Variants in KCNQ5 observed in about 807,000 individuals in gnomAD.
KCNQ5 encodes the protein potassium voltage-gated channel subfamily Q member 5, also known as potassium voltage-gated channel subfamily KQT member 5.
KCNQ5 carries 30 observed loss-of-function variants against 98.2 expected under a neutral mutation model. The observed-to-expected ratio is 0.31, with a 90% CI of 0.23 to 0.41. The LOEUF is 0.41. KCNQ5 is among the 10% of genes least tolerant of loss of function. KCNQ5 has a pLI of 1.00. For missense variants in KCNQ5, 835 were observed against 1,182.5 expected, an observed-to-expected ratio of 0.71 and a Z score of 4.31; for synonymous variants, 458 against 449.4, an observed-to-expected ratio of 1.02 and a Z score of -0.24.
chr6:72,988,653 T>TC (rs1228201550), intron 1 of KCNQ5, among the ~76,000 whole-genome samples: 13 of 148,264 alleles, frequency 8.8e-5, no homozygotes, highest in Admixed American at 6.7e-4. Flanking sequence ...GATTTTCTTT[T>TC]TTTTTTTTTT....
At chr6:72,731,855 C>A (rs1770572821) in intron 1 of KCNQ5, among the ~76,000 whole-genome samples, 1 of 152,040 alleles carries the variant, frequency 6.6e-6, no homozygotes, top group South Asian at 2.1e-4. Context: ...ATTATATCCT[C>A]CAAACATGTT....
At chr6:73,031,107 C>T (rs1771122720) in intron 2 of KCNQ5, among the ~76,000 whole-genome samples, 1 of 152,226 alleles carries the variant, frequency 6.6e-6, no homozygotes, top group South Asian at 2.1e-4. Context: ...CTGTCTCTCA[C>T]TTTCTTTCCC....
intron 1 of KCNQ5, among the ~76,000 whole-genome samples, chr6:72,747,161 A>G (rs541095352): frequency 9.2e-5 from 14 of 152,210 alleles, no homozygotes; most frequent in African/African-American, 3.4e-4. Context: ...TAAGCCACAA[A>G]CCTCAGGGGT....
intron 5 of KCNQ5, among the ~76,000 whole-genome samples, chr6:73,097,002 C>T (rs1176303303): frequency 6.6e-6 from 1 of 151,912 alleles, no homozygotes; most frequent in Non-Finnish European, 1.5e-5. Context: ...GACCGTGCCA[C>T]TGCACTCCAG....
chr6:73,075,370 G>A (rs1011211771), intron 3 of KCNQ5, among the ~76,000 whole-genome samples: 3 of 151,726 alleles, frequency 2.0e-5, no homozygotes, highest in Non-Finnish European at 4.4e-5. Context: ...TTACAGGCAC[G>A]TGCCACCACA....
chr6:72,880,367 G>A (rs1226081041), intron 1 of KCNQ5, among the ~76,000 whole-genome samples: 1 of 152,140 alleles, frequency 6.6e-6, no homozygotes, highest in Non-Finnish European at 1.5e-5. Context: ...GAAGGGGCGA[G>A]GGGTCTCCTT....
At chr6:73,048,304 C>G (rs1038230281) in intron 3 of KCNQ5, among the ~76,000 whole-genome samples, 10 of 152,016 alleles carry the variant, frequency 6.6e-5, no homozygotes, top group African/African-American at 2.4e-4. Context: ...TCTTTCCAGG[C>G]CAGGGAATAG....
At chr6:73,107,851 T>A (rs1775067636) in intron 6 of KCNQ5, among the ~76,000 whole-genome samples, 1 of 152,254 alleles carries the variant, frequency 6.6e-6, no homozygotes, top group South Asian at 2.1e-4. Flanking sequence ...GATCTTTTAC[T>A]GAAACTTCAC....
At chr6:72,751,683 G>C (rs905653271) in intron 1 of KCNQ5, among the ~76,000 whole-genome samples, 1 of 151,884 alleles carries the variant, frequency 6.6e-6, no homozygotes, top group African/African-American at 2.4e-5. Flanking sequence ...TTAAAAAGCA[G>C]CATAATTAGG....
At chr6:72,667,356 C>T (rs552718885) in intron 1 of KCNQ5, among the ~76,000 whole-genome samples, 5 of 152,102 alleles carry the variant, frequency 3.3e-5, no homozygotes, top group Admixed American at 6.5e-5. Flanking sequence ...ATTCGTATCC[C>T]GACTTCACCC....
Position 73,194,911 on chromosome 6 carries a change from C to G in KCNQ5, c.2296C>G (p.Leu766Val). Residue 766 changes from leucine to valine, a missense_variant, in exon 14 of 14, where the codon CTG becomes GTG. Physicochemically the swap from Leu to Val is conservative, Grantham distance 32. Coordinates refer to ENST00000370398, the MANE Select transcript of KCNQ5 (RefSeq NM_019842.4). ...AIKHLPRPET[L>V]HPNPAGLQES... ...CAAGCATCTGCCCAGGCCAGAAACT[C>G]TGCACCCTAACCCTGCAGGCTTACA... 1 of 1,614,206 alleles carries G rather than the reference C, an allele frequency of 6.2e-7. No individual in the cohort carries two copies. The highest frequency in any genetic ancestry group is 8.5e-7 in the Non-Finnish European group (1 of 1,180,042).
At chr6:73,095,024 C>T (rs1027484778) in intron 5 of KCNQ5, among the ~76,000 whole-genome samples, 1 of 152,148 alleles carries the variant, frequency 6.6e-6, no homozygotes, top group East Asian at 1.9e-4. Flanking sequence ...GTTTTCCAAA[C>T]TTTTAGATTT....
At chr6:72,697,838 A>G (rs999824831) in intron 1 of KCNQ5, among the ~76,000 whole-genome samples, 2 of 152,230 alleles carry the variant, frequency 1.3e-5, no homozygotes, top group Non-Finnish European at 2.9e-5. Context: ...TTCACAATGT[A>G]TACATAGATC....
chr6:73,129,915 G>T (rs1283703372), intron 9 of KCNQ5: 14 of 1,291,514 alleles, frequency 1.1e-5, no homozygotes, highest in African/African-American at 1.5e-5. Flanking sequence ...TGCATGACCA[G>T]GTTACACCGC....
chr6:72,679,078 C>T (rs1286321767), intron 1 of KCNQ5, among the ~76,000 whole-genome samples: 1 of 152,166 alleles, frequency 6.6e-6, no homozygotes, highest in Admixed American at 6.5e-5. Context: ...CACTGAACCT[C>T]ACAAGGTAAA....
chr6:72,747,091 A>G (rs1396736016), intron 1 of KCNQ5, among the ~76,000 whole-genome samples: 1 of 152,120 alleles, frequency 6.6e-6, no homozygotes, highest in Non-Finnish European at 1.5e-5. Context: ...GATAGGAAAA[A>G]AAATGTATTT....
At chr6:72,945,271 AC>A (rs1055598120) in intron 1 of KCNQ5, among the ~76,000 whole-genome samples, 20 of 151,904 alleles carry the variant, frequency 1.3e-4, no homozygotes, top group African/African-American at 4.8e-4. Flanking sequence ...TTTTTATTAT[AC>A]TTTAAGTTTT....
chr6:72,632,138 C>CTTTCT (rs1554680131), intron 1 of KCNQ5, among the ~76,000 whole-genome samples: 12 of 127,670 alleles, frequency 9.4e-5, no homozygotes, highest in Non-Finnish European at 1.8e-4. Context: ...TTCTTTCTTT[C>CTTTCT]TTTTTTTTTT....
At chr6:72,854,160 A>C (rs1777418553) in intron 1 of KCNQ5, among the ~76,000 whole-genome samples, 1 of 152,236 alleles carries the variant, frequency 6.6e-6, no homozygotes, top group Non-Finnish European at 1.5e-5. Flanking sequence ...TCTTCTCTGA[A>C]AATATAATGC....
Sources: allele counts gnomAD v4.1 joint callset (sites outside exome capture counted in the v4.1 genomes callset), GRCh38; gene constraint gnomAD v4.1.1; transcripts MANE v1.5; gene names NCBI Gene and HGNC (gene_info 2026-07-23, HGNC 2026-07-21).